PLPPR1: variants seen among roughly 807,000 people sequenced by gnomAD.
PLPPR1 encodes the protein phospholipid phosphatase related 1, also known as phospholipid phosphatase-related protein type 1.
In PLPPR1, 10 loss-of-function variants were observed where a neutral mutation model predicts 33.1. The ratio of observed to expected loss-of-function variants is 0.30; its 90% CI spans 0.19 to 0.51. PLPPR1 has a LOEUF of 0.51. PLPPR1 is among the 20% of genes least tolerant of loss of function. PLPPR1 has a pLI of 0.97. For missense variants in PLPPR1, 304 were observed against 408.1 expected, an observed-to-expected ratio of 0.74 and a Z score of 2.20; for synonymous variants, 151 against 151.0, an observed-to-expected ratio of 1.00 and a Z score of 0.00.
chr9:101,263,183 C>G (rs1827931551), intron 2 of PLPPR1, among the ~76,000 whole-genome samples: 1 of 152,078 alleles, frequency 6.6e-6, no homozygotes, highest in Non-Finnish European at 1.5e-5. Flanking sequence ...AAAAAAATAA[C>G]AGCACCATGA....
chr9:101,165,983 C>T (rs898281438), intron 1 of PLPPR1, among the ~76,000 whole-genome samples: 9 of 152,222 alleles, frequency 5.9e-5, no homozygotes, highest in African/African-American at 2.2e-4. Flanking sequence ...ATTCTTCTCT[C>T]ACTCTCTGCC....
chr9:101,035,446 C>T (rs78444882), intron 1 of PLPPR1, among the ~76,000 whole-genome samples: 4,721 of 152,222 alleles, frequency 0.031, 104 homozygotes, highest in South Asian at 0.056. Context: ...TACAGTTACC[C>T]CCATGAGATT....
At chr9:101,111,761 C>G (rs145667165) in intron 1 of PLPPR1, among the ~76,000 whole-genome samples, 2 of 152,150 alleles carry the variant, frequency 1.3e-5, no homozygotes, top group Non-Finnish European at 2.9e-5. Context: ...GTCTCTCTGA[C>G]CCCACAGCAG....
At chr9:101,319,171 C>T (rs535234009) in intron 7 of PLPPR1, among the ~76,000 whole-genome samples, 1 of 152,214 alleles carries the variant, frequency 6.6e-6, no homozygotes, top group Admixed American at 6.5e-5. Flanking sequence ...AGACAAACTA[C>T]CCTATGCTCT....
intron 2 of PLPPR1, among the ~76,000 whole-genome samples, chr9:101,256,452 A>G (rs1456523295): frequency 2.0e-5 from 3 of 152,040 alleles, no homozygotes; most frequent in Non-Finnish European, 4.4e-5. Flanking sequence ...GGAGTTGAGG[A>G]GCTCCAAGCC....
chr9:101,062,992 A>T (rs1391531479), intron 1 of PLPPR1, among the ~76,000 whole-genome samples: 4 of 152,012 alleles, frequency 2.6e-5, no homozygotes, highest in Non-Finnish European at 4.4e-5. Flanking sequence ...TAAAGATCAC[A>T]TGATCTTTGT....
chr9:101,202,804 G>A (rs1436991740), intron 2 of PLPPR1, among the ~76,000 whole-genome samples: 2 of 152,170 alleles, frequency 1.3e-5, no homozygotes, highest in East Asian at 1.9e-4. Flanking sequence ...TAGCTACATT[G>A]TTGTTTGAGG....
chr9:101,220,190 G>A (rs769605037), intron 2 of PLPPR1, among the ~76,000 whole-genome samples: 2 of 152,130 alleles, frequency 1.3e-5, no homozygotes, highest in Non-Finnish European at 2.9e-5. Flanking sequence ...TCCAGACTTT[G>A]CCAAATGTCC....
chr9:101,266,277 A>T (rs1827992324), intron 2 of PLPPR1, among the ~76,000 whole-genome samples: 2 of 151,346 alleles, frequency 1.3e-5, no homozygotes, highest in African/African-American at 4.9e-5. Flanking sequence ...AAATACAAAA[A>T]ATTAGCCAGG....
At chr9:101,186,981 G>A (rs989737838) in intron 2 of PLPPR1, among the ~76,000 whole-genome samples, 8 of 151,884 alleles carry the variant, frequency 5.3e-5, no homozygotes, top group African/African-American at 1.4e-4. Flanking sequence ...CTTGCTATAC[G>A]ATGCCAAAAT....
intron 1 of PLPPR1, among the ~76,000 whole-genome samples, chr9:101,070,547 T>C (rs1830469097): frequency 6.6e-6 from 1 of 152,006 alleles, no homozygotes; most frequent in Admixed American, 6.6e-5. Flanking sequence ...AGACGAGAAA[T>C]GCTTCTTTCT....
chr9:101,313,579 A>G (rs1829001080), intron 6 of PLPPR1, among the ~76,000 whole-genome samples: 2 of 152,230 alleles, frequency 1.3e-5, no homozygotes, highest in African/African-American at 4.8e-5. Context: ...CTTCCTGGAG[A>G]AGAGTTTTGG....
rs118018487 is a variant in PLPPR1, at chr9:101,031,122, G to A, written c.-46+2020G>A. 6.5e-3 allele frequency among the ~76,000 whole-genome samples: 990 copies of A among 152,120 alleles called. 61 individuals carry two copies. The East Asian group carries it at 0.14, about 22-fold the overall frequency. On this transcript the variant is annotated intron_variant, in intron 1 of 7. Coordinates refer to ENST00000374874, the MANE Select transcript of PLPPR1 (RefSeq NM_207299.2). ...TTTCAAGTGAAATTGGCATAGAGGG[G>A]ATTTAACTATAATTGTCAGCATATG...
At chr9:101,274,486 C>A (rs1465980583) in intron 3 of PLPPR1, among the ~76,000 whole-genome samples, 1 of 152,178 alleles carries the variant, frequency 6.6e-6, no homozygotes, top group Non-Finnish European at 1.5e-5. Context: ...GCTGATAGGT[C>A]AATGGCAAAG....
intron 3 of PLPPR1, among the ~76,000 whole-genome samples, chr9:101,273,032 T>A (rs999909812): frequency 6.6e-6 from 1 of 152,224 alleles, no homozygotes; most frequent in Admixed American, 6.5e-5. Context: ...GTTTAATACA[T>A]TATGTGCCAG....
At chr9:101,248,080 G>A (rs1011104912) in intron 2 of PLPPR1, among the ~76,000 whole-genome samples, 5 of 152,026 alleles carry the variant, frequency 3.3e-5, no homozygotes, top group African/African-American at 1.2e-4. Flanking sequence ...GGTATAAGGT[G>A]TCAGGTGATG....
intron 4 of PLPPR1, among the ~76,000 whole-genome samples, chr9:101,308,111 C>G (rs573223550): frequency 1.3e-5 from 2 of 152,296 alleles, no homozygotes; most frequent in Non-Finnish European, 1.5e-5. Context: ...GCACCCTTCC[C>G]CACCAAAGGA....
At chr9:101,100,591 A>G (rs1315774359) in intron 1 of PLPPR1, among the ~76,000 whole-genome samples, 3 of 152,018 alleles carry the variant, frequency 2.0e-5, no homozygotes, top group South Asian at 2.1e-4. Flanking sequence ...ATTTTAGAAC[A>G]CACACTTTTA....
At chr9:101,116,350 AGTCT>A (rs1331310161) in intron 1 of PLPPR1, among the ~76,000 whole-genome samples, 1 of 152,238 alleles carries the variant, frequency 6.6e-6, no homozygotes, top group African/African-American at 2.4e-5. Flanking sequence ...GTAATGTAAA[AGTCT>A]GAATCAATAT....
Sources: gnomAD v4.1 joint callset for allele counts (sites outside exome capture counted in the v4.1 genomes callset) on GRCh38, gnomAD v4.1.1 for gene constraint, MANE v1.5 for transcripts, NCBI Gene and HGNC (gene_info 2026-07-23, HGNC 2026-07-21) for gene names.